Variants in PCDHA2 observed in about 807,000 individuals in gnomAD.
PCDHA2 encodes protocadherin alpha 2, also known as protocadherin alpha-2.
A neutral mutation model predicts 66.0 loss-of-function variants in PCDHA2; 58 were observed. The observed-to-expected ratio is 0.88, with a 90% CI of 0.71 to 1.09. The LOEUF (loss-of-function observed/expected upper bound fraction) is 1.09, where lower values mean the gene tolerates loss of function less well. PCDHA2 is among the 50% of genes least tolerant of loss of function. The pLI, the probability that PCDHA2 is intolerant of heterozygous loss-of-function variation, is 0.00. For synonymous variants in PCDHA2, 634 were observed against 554.0 expected (o/e 1.14, Z -2.03); for missense variants, 1,267 against 1,242.3 (o/e 1.02, Z -0.30).
intron 1 of PCDHA2, chr5:140,969,064 C>G: frequency 6.2e-7 from 1 of 1,614,136 alleles, no homozygotes; most frequent in Non-Finnish European, 8.5e-7. Context: ...ATATTGATGC[C>G]AGGATACCGC....
intron 2 of PCDHA2, 179 bp from the exon 3 acceptor site, chr5:140,982,296 C>G (rs886254601): frequency 8.6e-7 from 1 of 1,167,014 alleles, no homozygotes; most frequent in African/African-American, 1.5e-5. Context: ...AGTAAGTCAG[C>G]AATGCTTCTG....
At chr5:140,859,820 A>T (rs571266771) in intron 1 of PCDHA2, 10 of 152,434 alleles carry the variant, frequency 6.6e-5, no homozygotes, top group African/African-American at 2.2e-4. Context: ...TGCAGAGTTT[A>T]GAAGTGTATT....
At chr5:140,962,494 A>T (rs1016662619) in intron 1 of PCDHA2, among the ~76,000 whole-genome samples, 4 of 152,130 alleles carry the variant, frequency 2.6e-5, no homozygotes, top group Admixed American at 2.6e-4. Context: ...CAATTTTCAG[A>T]CACCTCAGCC....
intron 1 of PCDHA2, chr5:140,862,920 G>A (rs2047655483): frequency 3.6e-6 from 2 of 548,666 alleles, no homozygotes; most frequent in African/African-American, 3.8e-5. Flanking sequence ...CGCCTTGGGT[G>A]GGCTGGCGGC....
At chr5:140,822,664 A>C (rs1554128805) in intron 1 of PCDHA2, 1 of 1,608,030 alleles carries the variant, frequency 6.2e-7, no homozygotes, top group African/African-American at 1.3e-5. Context: ...AATTAATTCT[A>C]ATACTGGTGA....
intron 1 of PCDHA2, chr5:140,857,288 C>A (rs782208845): frequency 2.5e-6 from 4 of 1,598,652 alleles, no homozygotes; most frequent in East Asian, 4.5e-5. Context: ...CGCTCTGGAC[C>A]GCGAGAGGGT....
Position 140,852,971 on chromosome 5 carries a change from C to T in PCDHA2, c.2388+55619C>T, listed in dbSNP as rs563659563. Reference sequence around the variant, plus strand: ...TTGGCTCACTCCAAGCTCCCCCTCCCGTGTTCACGCCATTCTCCTGCCTCA... The same window carrying T: ...TTGGCTCACTCCAAGCTCCCCCTCCTGTGTTCACGCCATTCTCCTGCCTCA... On this transcript the variant is annotated intron_variant, in intron 1 of 3. Coordinates refer to ENST00000526136, the MANE Select transcript of PCDHA2 (RefSeq NM_018905.3). 23 of 376,480 alleles carry T rather than the reference C, an allele frequency of 6.1e-5. 1 individual carries two copies. The highest frequency in any genetic ancestry group is 5.5e-4 in the South Asian group (5 of 9,156). 23.3% of individuals were successfully genotyped at this position (376,480 alleles called of 1,614,324 possible).
At position 140,795,591 on chromosome 5, in the gene PCDHA2, T is replaced by A. The variant is rs144006982; in HGVS notation, c.627T>A (p.Asn209Lys). The A allele has an allele frequency of 6.2e-6, 10 of 1,614,204 alleles. No homozygotes were observed. The East Asian group carries it at 1.8e-4, about 29-fold the overall frequency. The change falls in exon 1 of 4, where the codon AAT becomes AAA. Residue 209 changes from asparagine (N) to lysine (K), a missense_variant. By Grantham distance (94) the Asn-to-Lys change is moderately conservative (BLOSUM62 0). Coordinates refer to ENST00000526136, the MANE Select transcript of PCDHA2 (RefSeq NM_018905.3). ...ACAGAGAGGAAACTGCTGAGGTTAA[T>A]TTGTTACTGGTGGCTACTGATGGGG... Reference protein sequence around the residue: ...SLDREETAEVNLLLVATDGGK... With the variant: ...SLDREETAEVKLLLVATDGGK...
At chr5:140,903,567 G>T (rs1554191019) in intron 1 of PCDHA2, among the ~76,000 whole-genome samples, 1 of 152,170 alleles carries the variant, frequency 6.6e-6, no homozygotes, top group African/African-American at 2.4e-5. Flanking sequence ...GTGGAATTGG[G>T]AGCTGTCTAG....
intron 1 of PCDHA2, among the ~76,000 whole-genome samples, chr5:140,901,699 A>G (rs1373176124): frequency 6.6e-6 from 1 of 152,124 alleles, no homozygotes; most frequent in East Asian, 1.9e-4. Context: ...TTGTAGTTCT[A>G]TATACATTTT....
At chr5:140,975,560 A>T (rs1302523568) in intron 1 of PCDHA2, among the ~76,000 whole-genome samples, 1 of 152,238 alleles carries the variant, frequency 6.6e-6, no homozygotes, top group Non-Finnish European at 1.5e-5. Flanking sequence ...AAGGAAAAGG[A>T]GATATTATAT....
Position 140,797,191 on chromosome 5 carries a change from A to G in PCDHA2, c.2227A>G (p.Ser743Gly), listed in dbSNP as rs781977855. ...AGGAAAGCCCACGCTGGTGTGCTCC[A>G]GCGCCGTGGGGAGCTGGTCTTACTC... ...APGKPTLVCSSAVGSWSYSQQ... is the reference protein window; with the variant it reads ...APGKPTLVCSGAVGSWSYSQQ... Residue 743 changes from serine (S) to glycine (G), a missense_variant, in exon 1 of 4, where the codon AGC becomes GGC. Ser to Gly is a moderately conservative substitution (Grantham distance 56). Coordinates refer to ENST00000526136, the MANE Select transcript of PCDHA2 (RefSeq NM_018905.3). 6.2e-7 allele frequency: 1 copy of G among 1,614,120 alleles called. No homozygotes were observed. Among genetic ancestry groups the G allele is most frequent in the East Asian group, 2.2e-5 (1 of 44,866 alleles).
chr5:140,886,910 T>C (rs1373910489), intron 1 of PCDHA2, among the ~76,000 whole-genome samples: 1 of 152,100 alleles, frequency 6.6e-6, no homozygotes, highest in African/African-American at 2.4e-5. Context: ...TAAATACTTA[T>C]TGAGTGTTCT....
At chr5:140,871,306 AAGCCCAC>A in intron 1 of PCDHA2, 1 of 1,613,964 alleles carries the variant, frequency 6.2e-7, no homozygotes, top group East Asian at 2.2e-5. Flanking sequence ...CGCGCCGGGG[AAGCCCAC>A]GCTGGTGTGC....
In PCDHA2 at chr5:140,840,812, T is replaced by A. The variant is rs147965957; in HGVS notation, c.2388+43460T>A. On this transcript the variant is annotated intron_variant, in intron 1 of 3. Transcript: ENST00000526136. ...CTCACCTCAGAGTAATATATACCAG[T>A]GTTTCTGGTGACCAAATAAATATTA... 9.5e-4 allele frequency among the ~76,000 whole-genome samples: 144 copies of A among 152,170 alleles called. 3 individuals carry two copies. The highest frequency in any genetic ancestry group is 3.3e-3 in the African/African-American group (139 of 41,494).
chr5:140,853,605 G>C lies in PCDHA2; in HGVS notation c.2388+56253G>C, dbSNP rs773791072. ...TCTTAGACACTTTGAGAGCAAAGGG[G>C]GTGCTGTAAATAAGTATACAAGATC... On this transcript the variant is annotated intron_variant, in intron 1 of 3. Coordinates refer to ENST00000526136, the MANE Select transcript of PCDHA2 (RefSeq NM_018905.3). The C allele has an allele frequency of 3.1e-5, 31 of 987,206 alleles. 2 individuals carry two copies. The highest frequency in any genetic ancestry group is 3.7e-5 in the Non-Finnish European group (30 of 819,622). The allele number at this position is 987,206 out of a possible 1,614,324, so 61.2% of individuals were successfully genotyped here.
intron 3 of PCDHA2, among the ~76,000 whole-genome samples, chr5:140,999,049 A>C (rs962383659): frequency 1.3e-5 from 2 of 152,214 alleles, no homozygotes; most frequent in African/African-American, 4.8e-5. Flanking sequence ...TGTGCTTTCC[A>C]CCATGCCTAA....
intron 1 of PCDHA2, chr5:140,927,555 C>T (rs1554204727): frequency 8.7e-6 from 14 of 1,614,058 alleles, no homozygotes; most frequent in East Asian, 2.2e-5. Flanking sequence ...AAGTCACCAT[C>T]ATTGTGGTGG....
chr5:140,861,473 T>C (rs2046940252), intron 1 of PCDHA2: 2 of 491,456 alleles, frequency 4.1e-6, no homozygotes. Context: ...ATCTGCAGAA[T>C]GGCATTTTTG....
Sources: allele counts gnomAD v4.1 joint callset (sites outside exome capture counted in the v4.1 genomes callset), GRCh38; gene constraint gnomAD v4.1.1; transcripts MANE v1.5; gene names NCBI Gene and HGNC (gene_info 2026-07-23, HGNC 2026-07-21).